ELAVL4: variants seen among roughly 807,000 people sequenced by gnomAD.
The protein encoded by ELAVL4 is ELAV like RNA binding protein 4, also known as ELAV-like protein 4.
A neutral mutation model predicts 35.6 loss-of-function variants in ELAVL4; 1 was observed. The ratio of observed to expected loss-of-function variants is 0.03; its 90% CI spans 0.01 to 0.13. ELAVL4 has a LOEUF of 0.13. Among genes scored for constraint, ELAVL4 ranks in the 10% least tolerant of loss-of-function variants. The probability of loss-of-function intolerance (pLI) is 1.00; values close to 1 mark genes in which losing one functional copy is unlikely to be tolerated. For synonymous variants in ELAVL4, 156 were observed against 171.0 expected, an observed-to-expected ratio of 0.91 and a Z score of 0.69; for missense variants, 267 against 464.9, an observed-to-expected ratio of 0.57 and a Z score of 3.91.
chr1:50,097,100 G>C (rs2148510342), intron 1 of ELAVL4, among the ~76,000 whole-genome samples: 1 of 152,228 alleles, frequency 6.6e-6, no homozygotes, highest in Non-Finnish European at 1.5e-5. Flanking sequence ...AAGGCCTGTA[G>C]TCCCAGCTAC....
chr1:50,185,871 G>C (rs917746044), intron 3 of ELAVL4, among the ~76,000 whole-genome samples: 1 of 152,056 alleles, frequency 6.6e-6, no homozygotes, highest in Non-Finnish European at 1.5e-5. Flanking sequence ...CACAGTAATC[G>C]TATCAGTCTT....
At position 50,113,116 on chromosome 1, in the gene ELAVL4, G is replaced by C. The variant is rs528437923; in HGVS notation, c.9+3918G>C. Among the ~76,000 whole-genome samples, 23 of 152,070 alleles carry C rather than the reference G, an allele frequency of 1.5e-4. No homozygotes were observed. In the South Asian group the frequency reaches 4.4e-3, roughly 29 times the overall value. On this transcript the variant is annotated intron_variant, in intron 1 of 6. Coordinates refer to ENST00000371824, the MANE Select transcript of ELAVL4 (RefSeq NM_001144774.3). Reference sequence around the variant, plus strand: ...GAAATTATTGTTTGAATGGTGCTTTGTATGTGTGTGTTCAATATCTCTAAA... The same window carrying C: ...GAAATTATTGTTTGAATGGTGCTTTCTATGTGTGTGTTCAATATCTCTAAA...
chr1:50,201,849 A>AT lies in ELAVL4; in HGVS notation c.*672dup, dbSNP rs1644408002. 6.6e-6 allele frequency: 1 copy of AT among 152,136 alleles called. No homozygotes were observed. The highest frequency in any genetic ancestry group is 2.4e-5 in the African/African-American group (1 of 41,462). The allele number at this position is 152,136 out of a possible 1,614,324, so 9.4% of individuals were successfully genotyped here. A position where few individuals can be genotyped will look rare whatever the true frequency, so the allele number is the denominator to read the frequency against. Reference sequence around the variant, plus strand: ...GATACCTGATGACATTAACAATTTAATAACATTAACATTGTTGCCAAAGAG... The same window carrying AT: ...GATACCTGATGACATTAACAATTTAATTAACATTAACATTGTTGCCAAAGAG... On this transcript the variant is annotated 3_prime_UTR_variant, in exon 7 of 7. Coordinates refer to ENST00000371824, the MANE Select transcript of ELAVL4 (RefSeq NM_001144774.3). The surrounding 1 kb of genome is among the most constrained non-coding windows in gnomAD (Gnocchi z 4.3).
chr1:50,171,135 G>A (rs1040450491), intron 2 of ELAVL4, among the ~76,000 whole-genome samples: 1 of 152,162 alleles, frequency 6.6e-6, no homozygotes, highest in Admixed American at 6.6e-5. Flanking sequence ...CACTGGGCTT[G>A]CAGGAAATAA....
At chr1:50,095,543 A>G (rs1469510529) in intron 1 of ELAVL4, among the ~76,000 whole-genome samples, 3 of 152,086 alleles carry the variant, frequency 2.0e-5, no homozygotes, top group African/African-American at 7.2e-5. Context: ...TTTATATAAT[A>G]TATAATTTTT....
At chr1:50,078,207 G>A (rs186549731) in intron 1 of ELAVL4, among the ~76,000 whole-genome samples, 4 of 151,832 alleles carry the variant, frequency 2.6e-5, no homozygotes, top group Admixed American at 6.6e-5. Flanking sequence ...TGGTGATGAC[G>A]ACAGTGATTA....
chr1:50,064,304 T>C (rs1664152509), intron 1 of ELAVL4, among the ~76,000 whole-genome samples: 2 of 152,188 alleles, frequency 1.3e-5, no homozygotes, highest in African/African-American at 2.4e-5. Flanking sequence ...TTCTTACCGA[T>C]TTTTTCCCTG....
chr1:50,182,001 C>T (rs531372143), intron 3 of ELAVL4, among the ~76,000 whole-genome samples: 14 of 152,266 alleles, frequency 9.2e-5, no homozygotes, highest in Middle Eastern at 3.4e-3. Context: ...TTTTAAAAGT[C>T]GTCTCCAATA....
At chr1:50,131,489 T>TA (rs1267763788) in intron 1 of ELAVL4, among the ~76,000 whole-genome samples, 2 of 152,000 alleles carry the variant, frequency 1.3e-5, no homozygotes, top group African/African-American at 4.8e-5. Flanking sequence ...AGGAGTTTTT[T>TA]TAAAAAAATA....
intron 1 of ELAVL4, among the ~76,000 whole-genome samples, chr1:50,065,409 T>C (rs956836094): frequency 2.0e-5 from 3 of 152,186 alleles, no homozygotes; most frequent in African/African-American, 7.2e-5. Context: ...CAGATTTGAA[T>C]TTCGGTCCCA....
At chr1:50,096,049 C>T (rs914086515) in intron 1 of ELAVL4, among the ~76,000 whole-genome samples, 2 of 152,100 alleles carry the variant, frequency 1.3e-5, no homozygotes, top group East Asian at 1.9e-4. Context: ...TTGAGTCATC[C>T]TTGGGATTCA....
chr1:50,180,177 C>T (rs922400224), intron 3 of ELAVL4: 9 of 142,890 alleles, frequency 6.3e-5, no homozygotes, highest in African/African-American at 2.3e-4. Flanking sequence ...ATGAAAACAT[C>T]GTTTTGCCAA....
At chr1:50,119,041 AAAG>A (rs1352774563) in intron 1 of ELAVL4, among the ~76,000 whole-genome samples, 22 of 48,980 alleles carry the variant, frequency 4.5e-4, no homozygotes, top group Non-Finnish European at 7.6e-4. Context: ...AAAGAAAAAG[AAAG>A]AAAGAAAGAA....
At chr1:50,183,750 A>G (rs1681409307) in intron 3 of ELAVL4, among the ~76,000 whole-genome samples, 1 of 152,076 alleles carries the variant, frequency 6.6e-6, no homozygotes, top group Non-Finnish European at 1.5e-5. Context: ...AAGGGCCTCC[A>G]TTCCGCTGAG....
Position 50,142,797 on chromosome 1 carries a change from G to C in ELAVL4, c.10-2160G>C, listed in dbSNP as rs375837911. Among the ~76,000 whole-genome samples the C allele has an allele frequency of 9.9e-5, 15 of 152,202 alleles. No homozygotes were observed. In the East Asian group the frequency reaches 2.3e-3, roughly 24 times the overall value. On this transcript the variant is annotated intron_variant, in intron 1 of 6. Coordinates refer to ENST00000371824, the MANE Select transcript of ELAVL4 (RefSeq NM_001144774.3). ...CCCCAATAGAAATATGTACATTTTT[G>C]TACCAAAATGTTGTACATAACGCTC...
intron 2 of ELAVL4, among the ~76,000 whole-genome samples, chr1:50,159,339 G>T (rs1445052079): frequency 6.6e-6 from 1 of 152,224 alleles, no homozygotes; most frequent in Non-Finnish European, 1.5e-5. Context: ...GGGGCATGGT[G>T]CCTCATGCCT....
chr1:50,161,565 T>A (rs1270695471), intron 2 of ELAVL4, among the ~76,000 whole-genome samples: 3 of 152,204 alleles, frequency 2.0e-5, no homozygotes, highest in African/African-American at 7.2e-5. Context: ...AGAAGAAAAA[T>A]CAAGTTCAGA....
Position 50,195,781 on chromosome 1 carries a change from G to A in ELAVL4, c.729G>A (p.Arg243=). The A allele has an allele frequency of 2.5e-6, 4 of 1,614,074 alleles. No individual in the cohort carries two copies. The highest frequency in any genetic ancestry group is 2.7e-5 in the African/African-American group (2 of 75,034). Residue 243 remains arginine (R), a synonymous_variant, in exon 5 of 7, where the codon AGG becomes AGA. Transcript: ENST00000371824. ...YPGPLHHQAQ[R]FRLDNLLNMA... ...GTCCACTTCACCACCAGGCTCAGAG[G>A]TTCAGGTAGGCATGCCCAAAGAGGA...
intron 4 of ELAVL4, 102 bp downstream of exon 4, chr1:50,194,020 G>C: frequency 7.2e-7 from 1 of 1,390,114 alleles, no homozygotes; most frequent in Admixed American, 2.4e-5. Context: ...AGATGATATG[G>C]ATCATGAATA....
Sources: allele counts gnomAD v4.1 joint callset (sites outside exome capture counted in the v4.1 genomes callset), GRCh38; gene constraint gnomAD v4.1.1; non-coding constraint Gnocchi (gnomAD v3.1); transcripts MANE v1.5; gene names NCBI Gene and HGNC (gene_info 2026-07-23, HGNC 2026-07-21).